OR2A12: variants seen among roughly 807,000 people sequenced by gnomAD.
The protein encoded by OR2A12 is olfactory receptor 2A12.
For synonymous variants in OR2A12, 153 were observed against 149.3 expected (o/e 1.02, Z -0.18); for missense variants, 380 against 372.5 (o/e 1.02, Z -0.17).
chr7:144,096,503 T>C lies in OR2A12; in HGVS notation c.*463T>C, dbSNP rs2051266156. 6.6e-6 allele frequency: 1 copy of C among 152,128 alleles called. No homozygotes were observed. The highest frequency in any genetic ancestry group is 2.0e-4 in the South Asian group (1 of 4,950). The allele number at this position is 152,128 out of a possible 1,614,324, so 9.4% of individuals were successfully genotyped here. On this transcript the variant is annotated 3_prime_UTR_variant, in exon 2 of 2. Coordinates refer to ENST00000641592, the MANE Select transcript of OR2A12 (RefSeq NM_001004135.2). ...TAAAGAGAGAGAAACTAATTACTTT[T>C]ACTATTTAAGGCATTGATACCAAAC... is the stretch of plus-strand genomic sequence containing the variant.
At chr7:144,094,426 A>T (rs1192861196) in intron 1 of OR2A12, among the ~76,000 whole-genome samples, 1 of 152,132 alleles carries the variant, frequency 6.6e-6, no homozygotes, top group Non-Finnish European at 1.5e-5. Flanking sequence ...ACCACATCTC[A>T]CAACAACTTG....
chr7:144,089,035 G>A (rs1339021491), intron 1 of OR2A12, among the ~76,000 whole-genome samples: 2 of 152,110 alleles, frequency 1.3e-5, no homozygotes, highest in Non-Finnish European at 2.9e-5. Flanking sequence ...TAATGCAAGG[G>A]GAAAGCTTTT....
chr7:144,096,884 T>C lies in OR2A12; in HGVS notation c.*844T>C, dbSNP rs1157464266. On this transcript the variant is annotated 3_prime_UTR_variant, in exon 2 of 2. Transcript: ENST00000641592. ...AAAAATAAAAACAAAGCAGACGTCA[T>C]GGTTAATGGTGAAATGTTAGCATCT... 20 of 152,164 alleles carry C rather than the reference T, an allele frequency of 1.3e-4. 1 individual carries two copies. The highest frequency in any genetic ancestry group is 1.3e-3 in the Admixed American group (20 of 15,278). 9.4% of individuals were successfully genotyped at this position (152,164 alleles called of 1,614,324 possible).
In OR2A12 at chr7:144,095,439, G is replaced by A; in HGVS notation, c.332G>A (p.Cys111Tyr). The A allele has an allele frequency of 6.2e-7, 1 of 1,613,978 alleles. No homozygotes were observed. Among genetic ancestry groups the A allele is most frequent in the Non-Finnish European group, 8.5e-7 (1 of 1,179,894 alleles). Reference sequence around the variant, plus strand: ...TATTTGGCGTTTGCTATTACAGAGTGTCTGATTTTGGTGATGATGTGCTAT... The same window carrying A: ...TATTTGGCGTTTGCTATTACAGAGTATCTGATTTTGGTGATGATGTGCTAT... ...FLYLAFAITE[C>Y]LILVMMCYDR... The change falls in exon 2 of 2, where the codon TGT (cysteine) becomes TAT (tyrosine). Residue 111 changes from cysteine to tyrosine, a missense_variant. Cys to Tyr is a radical substitution (Grantham distance 194, BLOSUM62 -2). Coordinates refer to ENST00000641592, the MANE Select transcript of OR2A12 (RefSeq NM_001004135.2).
At position 144,096,015 on chromosome 7, in the gene OR2A12, T is replaced by A. The variant is rs372230951; in HGVS notation, c.908T>A (p.Val303Asp). ...NAEVKGALKR[V>D]LWKQRSM ...GAGGTGAAAGGGGCTCTAAAGAGAGTCCTTTGGAAACAGAGATCAATGTGA... is the reference window on the plus strand; with the variant it reads ...GAGGTGAAAGGGGCTCTAAAGAGAGACCTTTGGAAACAGAGATCAATGTGA... Residue 303 changes from valine (V) to aspartate (D), a missense_variant, in exon 2 of 2, where the codon GTC (valine) becomes GAC (aspartate). By Grantham distance (152) the Val-to-Asp change is radical. Transcript: ENST00000641592. The A allele has an allele frequency of 4.4e-6, 7 of 1,598,908 alleles. No individual in the cohort carries two copies. Among genetic ancestry groups the A allele is most frequent in the South Asian group, 1.1e-5 (1 of 88,692 alleles).
At chr7:144,093,027 T>TCATTTA (rs2051237779) in intron 1 of OR2A12, among the ~76,000 whole-genome samples, 1 of 150,840 alleles carries the variant, frequency 6.6e-6, no homozygotes, top group Non-Finnish European at 1.5e-5. Flanking sequence ...AAATTGTCGG[T>TCATTTA]CATTTACATT....
chr7:144,095,503 C>G lies in OR2A12; in HGVS notation c.396C>G (p.Thr132=). 6.2e-7 allele frequency: 1 copy of G among 1,613,814 alleles called. No homozygotes were observed. The highest frequency in any genetic ancestry group is 8.5e-7 in the Non-Finnish European group (1 of 1,179,806). Residue 132 remains threonine, a synonymous_variant, in exon 2 of 2, where the codon ACC becomes ACG. Transcript: ENST00000641592. The part of the protein sequence containing the change: ...YVAICHPLQY[T]LIMNWRVCTV... ...CAATCTGTCACCCCTTGCAATACAC[C>G]CTCATTATGAACTGGAGAGTGTGCA...
chr7:144,090,367 A>C (rs12703570), intron 1 of OR2A12, among the ~76,000 whole-genome samples: 29,789 of 151,358 alleles, frequency 0.2, 3,298 homozygotes, highest in African/African-American at 0.28. Context: ...GATATGTATT[A>C]TAGACATATA....
At position 144,096,075 on chromosome 7, in the gene OR2A12, G is replaced by T; in HGVS notation, c.*35G>T. 1 of 1,447,624 alleles carries T rather than the reference G, an allele frequency of 6.9e-7. No individual in the cohort carries two copies. The highest frequency in any genetic ancestry group is 9.4e-7 in the Non-Finnish European group (1 of 1,062,454). 89.7% of individuals were successfully genotyped at this position (1,447,624 alleles called of 1,614,324 possible). A position where few individuals can be genotyped will look rare whatever the true frequency, so the allele number is the denominator to read the frequency against. On this transcript the variant is annotated 3_prime_UTR_variant, in exon 2 of 2. Transcript: ENST00000641592. ...TGAGATATCCTGAGTGTGTAAGCAT[G>T]GTTCTCATGACCCTGGGTCCTGAAA...
At chr7:144,094,902 G>A (rs1380639445) in intron 1 of OR2A12, 155 bp from the exon 2 acceptor site, 3 of 486,352 alleles carry the variant, frequency 6.2e-6, no homozygotes, top group Non-Finnish European at 3.6e-6. Flanking sequence ...TTTAATATTA[G>A]TCAATAACTA....
intron 1 of OR2A12, among the ~76,000 whole-genome samples, chr7:144,089,558 A>C (rs1218616014): frequency 6.6e-6 from 1 of 150,864 alleles, no homozygotes; most frequent in African/African-American, 2.5e-5. Flanking sequence ...CTATTTGTCA[A>C]AAAAATTGCT....
chr7:144,091,128 T>C (rs931123749), intron 1 of OR2A12, among the ~76,000 whole-genome samples: 11 of 152,206 alleles, frequency 7.2e-5, no homozygotes, highest in Non-Finnish European at 1.3e-4. Flanking sequence ...CGGTGGCTCA[T>C]GCCTGTAATC....
At chr7:144,094,124 G>T (rs1160628614) in intron 1 of OR2A12, among the ~76,000 whole-genome samples, 6 of 151,976 alleles carry the variant, frequency 3.9e-5, no homozygotes, top group Admixed American at 3.9e-4. Flanking sequence ...ATTTTGAGTG[G>T]AGAAGTTTTT....
rs1312610143 is a variant in OR2A12 at position 144,095,962 on chromosome 7, C to T, written c.855C>T (p.Asn285=). Residue 285 remains asparagine (N), a synonymous_variant, in exon 2 of 2, where the codon AAC becomes AAT. Coordinates refer to ENST00000641592, the MANE Select transcript of OR2A12 (RefSeq NM_001004135.2). The part of the protein sequence containing the change: ...LFYSLFNPIL[N]PLIYSLRNAE... ...ACAGCCTTTTCAACCCGATCCTGAACCCCCTCATCTACAGCCTTAGGAATG... is the reference window on the plus strand; with the variant it reads ...ACAGCCTTTTCAACCCGATCCTGAATCCCCTCATCTACAGCCTTAGGAATG... 4 of 1,613,930 alleles carry T rather than the reference C, an allele frequency of 2.5e-6. No individual in the cohort carries two copies. Among genetic ancestry groups the T allele is most frequent in the Middle Eastern group, 1.6e-4 (1 of 6,082 alleles).
Position 144,097,222 on chromosome 7 carries a change from C to T in OR2A12, c.*1182C>T, listed in dbSNP as rs900303533. 1.3e-5 allele frequency: 2 copies of T among 151,740 alleles called. No homozygotes were observed. Among genetic ancestry groups the T allele is most frequent in the Non-Finnish European group, 2.9e-5 (2 of 67,948 alleles). The allele number at this position is 151,740 out of a possible 1,614,324, so 9.4% of individuals were successfully genotyped here. ...ATTATATTTTTAAAGCAGTAACAAA[C>T]AATTAAAATGAAACTTGAAAAAACG... On this transcript the variant is annotated 3_prime_UTR_variant, in exon 2 of 2. Transcript: ENST00000641592.
intron 1 of OR2A12, among the ~76,000 whole-genome samples, chr7:144,091,268 G>A (rs2051225513): frequency 2.6e-5 from 4 of 152,210 alleles, no homozygotes. Context: ...GCGTGTGCCT[G>A]TAATCCCAGC....
chr7:144,093,844 A>T (rs1209686173), intron 1 of OR2A12, among the ~76,000 whole-genome samples: 2 of 151,646 alleles, frequency 1.3e-5, no homozygotes, highest in African/African-American at 4.9e-5. Flanking sequence ...TCCATGGTGT[A>T]TATGTGCCAC....
intron 1 of OR2A12, among the ~76,000 whole-genome samples, chr7:144,091,322 C>T (rs1209327805): frequency 2.6e-5 from 4 of 152,102 alleles, no homozygotes; most frequent in Admixed American, 1.3e-4. Flanking sequence ...ACTTGGGAGG[C>T]GGAGGTTGCA....
Position 144,095,149 on chromosome 7 carries a change from G to A in OR2A12, c.42G>A (p.Leu14=). The A allele has an allele frequency of 6.2e-7, 1 of 1,613,148 alleles. No homozygotes were observed. The highest frequency in any genetic ancestry group is 8.5e-7 in the Non-Finnish European group (1 of 1,179,542). The change falls in exon 2 of 2, where the codon TTG becomes TTA. Residue 14 remains leucine, a synonymous_variant. Transcript: ENST00000641592. ...NQTWITEVIL[L]GFQVDPALEL... ...CCTGGATCACAGAAGTCATCCTGTT[G>A]GGATTCCAGGTGGACCCAGCTCTGG...
Sources: gnomAD v4.1 joint callset for allele counts (sites outside exome capture counted in the v4.1 genomes callset) on GRCh38, gnomAD v4.1.1 for gene constraint, MANE v1.5 for transcripts, NCBI Gene and HGNC (gene_info 2026-07-23, HGNC 2026-07-21) for gene names.